Variants in BMPR2 observed in about 807,000 individuals in gnomAD.
BMPR2 encodes the protein bone morphogenetic protein receptor type 2, also known as bone morphogenetic protein receptor type-2.
In BMPR2, 29 loss-of-function variants were observed where a neutral mutation model predicts 100.8. The ratio of observed to expected loss-of-function variants is 0.29; its 90% confidence interval spans 0.21 to 0.39. BMPR2 has a LOEUF of 0.39. BMPR2 is among the 10% of genes least tolerant of loss of function. The pLI, the probability that BMPR2 is intolerant of heterozygous loss-of-function variation, is 1.00. For synonymous variants in BMPR2, 382 were observed against 442.3 expected (o/e 0.86, Z 1.71); for missense variants, 1,011 against 1,274.5 (o/e 0.79, Z 3.15).
Position 202,377,507 on chromosome 2 carries a change from G to A in BMPR2, c.33G>A (p.Val11=), listed in dbSNP as rs906306607. The stretch of plus-strand genomic sequence containing the variant: ...CCTCGCTGCAGCGGCCCTGGCGGGT[G>A]CCCTGGCTACCATGGACCATCCTGC... The part of the protein sequence containing the change: MTSSLQRPWR[V]PWLPWTILLV... Residue 11 remains valine (V), a synonymous_variant, in exon 1 of 13, where the codon GTG becomes GTA. Coordinates refer to ENST00000374580, the MANE Select transcript of BMPR2 (RefSeq NM_001204.7). 6.2e-7 allele frequency: 1 copy of A among 1,614,244 alleles called. No individual in the cohort carries two copies.
At chr2:202,395,936 T>C (rs1234737127) in intron 1 of BMPR2, among the ~76,000 whole-genome samples, 2 of 151,160 alleles carry the variant, frequency 1.3e-5, no homozygotes, top group African/African-American at 4.9e-5. Flanking sequence ...AAACTCCATC[T>C]CAAAACAAAA....
intron 1 of BMPR2, among the ~76,000 whole-genome samples, chr2:202,436,627 A>G (rs1027506211): frequency 1.3e-5 from 2 of 150,844 alleles, no homozygotes; most frequent in South Asian, 4.1e-4. Flanking sequence ...ACATCTAAGT[A>G]GATCATCTGT....
At chr2:202,435,499 A>G (rs1285634680) in intron 1 of BMPR2, among the ~76,000 whole-genome samples, 3 of 148,754 alleles carry the variant, frequency 2.0e-5, no homozygotes, top group Non-Finnish European at 4.4e-5. Context: ...ACCACAGGTT[A>G]AAAAGTTTAT....
intron 1 of BMPR2, among the ~76,000 whole-genome samples, chr2:202,441,720 A>C (rs1691750646): frequency 7.6e-6 from 1 of 131,618 alleles, no homozygotes. Flanking sequence ...TCCGTCTCAA[A>C]AAAAAAAAAA....
chr2:202,548,576 GTTGT>G (rs1484418968), intron 10 of BMPR2, among the ~76,000 whole-genome samples: 1 of 152,162 alleles, frequency 6.6e-6, no homozygotes, highest in Non-Finnish European at 1.5e-5. Context: ...TTTGGTTAGA[GTTGT>G]TTGTTTTAAA....
intron 7 of BMPR2, among the ~76,000 whole-genome samples, chr2:202,521,733 A>G (rs1303354806): frequency 6.6e-6 from 1 of 152,156 alleles, no homozygotes; most frequent in East Asian, 1.9e-4. Flanking sequence ...TGTACAGGGT[A>G]TTTATGGATG....
chr2:202,481,836 C>G (rs1444011755), intron 3 of BMPR2, among the ~76,000 whole-genome samples: 1 of 152,138 alleles, frequency 6.6e-6, no homozygotes, highest in Non-Finnish European at 1.5e-5. Flanking sequence ...AAAATTTTAG[C>G]TGTGGTAAAA....
At chr2:202,440,876 C>G (rs1346106362) in intron 1 of BMPR2, among the ~76,000 whole-genome samples, 1 of 150,420 alleles carries the variant, frequency 6.6e-6, no homozygotes, top group Admixed American at 6.6e-5. Flanking sequence ...TGAGAATGAT[C>G]CTTTCTATTC....
intron 3 of BMPR2, among the ~76,000 whole-genome samples, chr2:202,493,993 C>G (rs1255594597): frequency 6.6e-6 from 1 of 152,074 alleles, no homozygotes; most frequent in Non-Finnish European, 1.5e-5. Flanking sequence ...TTTGAAAAAA[C>G]AAGAAATCTG....
chr2:202,393,932 A>AGAGAGAGAGATT (rs1553494924), intron 1 of BMPR2, among the ~76,000 whole-genome samples: 19 of 122,910 alleles, frequency 1.5e-4, no homozygotes, highest in African/African-American at 5.5e-4. Flanking sequence ...AGAGAGAGAG[A>AGAGAGAGAGATT]GATTCCTGTG....
At chr2:202,552,149 G>A (rs1319901389) in intron 10 of BMPR2, among the ~76,000 whole-genome samples, 1 of 151,954 alleles carries the variant, frequency 6.6e-6, no homozygotes, top group Non-Finnish European at 1.5e-5. Flanking sequence ...CACCACGCCT[G>A]GCCAATTTTT....
At chr2:202,485,545 C>CTTTTTCTTTTTTTTTTTTTTTTTTT (rs1692756931) in intron 3 of BMPR2, among the ~76,000 whole-genome samples, 4 of 64,006 alleles carry the variant, frequency 6.2e-5, no homozygotes, top group African/African-American at 2.3e-4. Flanking sequence ...TTGCCTTTAT[C>CTTTTTCTTTTTTTTTTTTTTTTTTT]TTTTTTTTTT....
chr2:202,546,948 T>C (rs186131925), intron 10 of BMPR2, among the ~76,000 whole-genome samples: 16 of 139,802 alleles, frequency 1.1e-4, no homozygotes, highest in Admixed American at 3.7e-4. Context: ...TTGTTTTGTT[T>C]TGTTTTTGTA....
chr2:202,428,503 G>T (rs779941818), intron 1 of BMPR2, among the ~76,000 whole-genome samples: 6 of 151,784 alleles, frequency 4.0e-5, no homozygotes, highest in Non-Finnish European at 8.8e-5. Context: ...GGCTCAATCA[G>T]TCCTTCCACT....
intron 1 of BMPR2, among the ~76,000 whole-genome samples, chr2:202,409,848 T>A (rs566221086): frequency 6.7e-6 from 1 of 149,024 alleles, no homozygotes; most frequent in African/African-American, 2.4e-5. Context: ...CTACTTTATA[T>A]ATATACTTAA....
At chr2:202,442,499 C>G (rs913702913) in intron 1 of BMPR2, among the ~76,000 whole-genome samples, 1 of 150,124 alleles carries the variant, frequency 6.7e-6, no homozygotes, top group Non-Finnish European at 1.5e-5. Flanking sequence ...GTATATAGTA[C>G]AATATTGCCA....
intron 3 of BMPR2, chr2:202,504,939 A>G: frequency 6.5e-6 from 1 of 153,462 alleles, no homozygotes. Context: ...TTGGCCTCCC[A>G]AAGTGCTGGG....
At chr2:202,392,545 G>A (rs572484917) in intron 1 of BMPR2, among the ~76,000 whole-genome samples, 4 of 152,204 alleles carry the variant, frequency 2.6e-5, no homozygotes, top group Non-Finnish European at 5.9e-5. Context: ...TATATTTTAT[G>A]TGTGTCATGG....
At chr2:202,427,358 C>CAA (rs397872093) in intron 1 of BMPR2, among the ~76,000 whole-genome samples, 80 of 78,766 alleles carry the variant, frequency 1.0e-3, no homozygotes, top group Non-Finnish European at 1.5e-3. Context: ...GACCCTGGCT[C>CAA]AAAAAAAAAA....
Sources: allele counts gnomAD v4.1 joint callset (sites outside exome capture counted in the v4.1 genomes callset), GRCh38; gene constraint gnomAD v4.1.1; transcripts MANE v1.5; gene names NCBI Gene and HGNC (gene_info 2026-07-23, HGNC 2026-07-21).